TBC1D19: variants seen among roughly 807,000 people sequenced by gnomAD.
The protein encoded by TBC1D19 is TBC1 domain family member 19, also known as TBC1 domain family, member 19.
In TBC1D19, 60 loss-of-function variants were observed where a neutral mutation model predicts 89.0. That is an observed-to-expected ratio of 0.67 (90% CI 0.55 to 0.84). TBC1D19 has a LOEUF of 0.84. TBC1D19 is among the 40% of genes least tolerant of loss of function. The pLI is 0.00. For missense variants in TBC1D19, 500 were observed against 610.8 expected, an observed-to-expected ratio of 0.82 and a Z score of 1.91; for synonymous variants, 189 against 199.7, an observed-to-expected ratio of 0.95 and a Z score of 0.45.
intron 4 of TBC1D19, among the ~76,000 whole-genome samples, chr4:26,625,678 TC>T (rs1742346668): frequency 6.6e-6 from 1 of 152,288 alleles, no homozygotes; most frequent in African/African-American, 2.4e-5. Context: ...TTGATGACTT[TC>T]GCAGTTTTGA....
intron 1 of TBC1D19, among the ~76,000 whole-genome samples, chr4:26,578,575 AAGAG>A (rs143078134): frequency 6.7e-5 from 10 of 148,650 alleles, no homozygotes; most frequent in South Asian, 2.1e-4. Flanking sequence ...GTAGAAATGT[AAGAG>A]AGAGAGAGAG....
At chr4:26,740,746 A>G (rs1578007098) in intron 17 of TBC1D19, 4 of 985,308 alleles carry the variant, frequency 4.1e-6, no homozygotes, top group East Asian at 1.1e-4. Flanking sequence ...GAAACATTCA[A>G]TTGGAATATA....
chr4:26,595,241 A>G (rs1740134801), intron 1 of TBC1D19, among the ~76,000 whole-genome samples: 2 of 152,272 alleles, frequency 1.3e-5, no homozygotes, highest in East Asian at 1.9e-4. Flanking sequence ...TTCTTTAGTC[A>G]GGTGTCTTTT....
At chr4:26,695,962 A>C (rs1714739501) in intron 13 of TBC1D19, among the ~76,000 whole-genome samples, 1 of 152,186 alleles carries the variant, frequency 6.6e-6, no homozygotes, top group South Asian at 2.1e-4. Flanking sequence ...AGCGAACAAA[A>C]TAACCAGCTA....
At chr4:26,802,753 G>T in the TBC1D19 span, among the ~76,000 whole-genome samples, 1 of 152,172 alleles carries the variant, frequency 6.6e-6, no homozygotes, top group Non-Finnish European at 1.5e-5. Context: ...TATTAACACG[G>T]AGAAAAATTA....
chr4:26,598,562 T>G (rs1228999463), intron 1 of TBC1D19, among the ~76,000 whole-genome samples: 5 of 152,058 alleles, frequency 3.3e-5, no homozygotes, highest in Admixed American at 2.6e-4. Context: ...GCCCAGCTAA[T>G]TTTTTGTATT....
intron 15 of TBC1D19, among the ~76,000 whole-genome samples, chr4:26,735,077 T>C (rs1461250119): frequency 6.6e-6 from 1 of 151,280 alleles, no homozygotes; most frequent in African/African-American, 2.4e-5. Context: ...TGTATACACA[T>C]GTATATATGT....
chr4:26,717,564 A>G (rs1716710057), intron 13 of TBC1D19, among the ~76,000 whole-genome samples: 1 of 151,992 alleles, frequency 6.6e-6, no homozygotes, highest in African/African-American at 2.4e-5. Flanking sequence ...AGTCAAGTTC[A>G]TTTCCTGCAC....
intron 19 of TBC1D19, among the ~76,000 whole-genome samples, chr4:26,751,396 A>T (rs551264360): frequency 6.6e-6 from 1 of 152,358 alleles, no homozygotes; most frequent in East Asian, 1.9e-4. Context: ...AGGAAGTAGT[A>T]ATCATACTCT....
At chr4:26,773,740 G>A in the TBC1D19 span, among the ~76,000 whole-genome samples, 2 of 152,098 alleles carry the variant, frequency 1.3e-5, no homozygotes, top group African/African-American at 2.4e-5. Flanking sequence ...CCCATTCCTC[G>A]TTTTTGTCAG....
At chr4:26,839,577 C>CG in the TBC1D19 span, among the ~76,000 whole-genome samples, 2,505 of 151,924 alleles carry the variant, frequency 0.016, 70 homozygotes, top group African/African-American at 0.057. Flanking sequence ...CCATCACCCC[C>CG]CCGCCCTTTC....
At chr4:26,720,195 C>A in intron 15 of TBC1D19, 70 bp downstream of exon 15, 1 of 1,167,784 alleles carries the variant, frequency 8.6e-7, no homozygotes, top group Non-Finnish European at 1.2e-6. Flanking sequence ...CAAAATGTGA[C>A]TTTCTTATTC....
At chr4:26,776,395 A>C in the TBC1D19 span, among the ~76,000 whole-genome samples, 3 of 152,218 alleles carry the variant, frequency 2.0e-5, no homozygotes, top group Non-Finnish European at 4.4e-5. Context: ...TAATAGTCTT[A>C]AGATAACAAA....
chr4:26,793,754 A>C, the TBC1D19 span, among the ~76,000 whole-genome samples: 1 of 150,664 alleles, frequency 6.6e-6, no homozygotes, highest in African/African-American at 2.4e-5. Context: ...AATAGAATCC[A>C]TCTCTTTCTC....
chr4:26,597,932 A>G (rs1006434784), intron 1 of TBC1D19, among the ~76,000 whole-genome samples: 2 of 152,066 alleles, frequency 1.3e-5, no homozygotes, highest in Non-Finnish European at 2.9e-5. Context: ...TTCTTGATTA[A>G]TTATAGTTTT....
chr4:26,854,500 G>A, the TBC1D19 span, among the ~76,000 whole-genome samples: 6,365 of 152,168 alleles, frequency 0.042, 303 homozygotes, highest in African/African-American at 0.11. Flanking sequence ...CTTGGTAATA[G>A]TTTTATGTTG....
the TBC1D19 span, among the ~76,000 whole-genome samples, chr4:26,844,455 C>A: frequency 5.9e-5 from 9 of 152,168 alleles, no homozygotes; most frequent in Non-Finnish European, 8.8e-5. Context: ...TCATAAGTCC[C>A]AAAACTTTGA....
At chr4:26,678,528 C>CT (rs918472765) in intron 11 of TBC1D19, among the ~76,000 whole-genome samples, 114 of 140,368 alleles carry the variant, frequency 8.1e-4, no homozygotes, top group Middle Eastern at 3.8e-3. Context: ...AGCGAAACTG[C>CT]TTTTTTTTTT....
Position 26,640,169 on chromosome 4 carries a change from A to G in TBC1D19, c.462A>G (p.Ala154=), listed in dbSNP as rs745482709. The G allele has an allele frequency of 7.5e-6, 12 of 1,609,500 alleles. No homozygotes were observed. The highest frequency in any genetic ancestry group is 1.0e-5 in the Non-Finnish European group (12 of 1,176,710). Residue 154 remains alanine (A), a synonymous_variant, in exon 7 of 21, where the codon GCA becomes GCG. Coordinates refer to ENST00000264866, the MANE Select transcript of TBC1D19 (RefSeq NM_018317.4). The part of the protein sequence containing the change: ...PDLSLFRPVY[A]PKDFLEVLIN... The stretch of plus-strand genomic sequence containing the variant: ...TAAGCCTTTTCAGACCTGTTTATGC[A>G]CCTAAGGATTTTCTTGAGGTAGGTT...
Sources: allele counts gnomAD v4.1 joint callset (sites outside exome capture counted in the v4.1 genomes callset), GRCh38; gene constraint gnomAD v4.1.1; transcripts MANE v1.5; gene names NCBI Gene and HGNC (gene_info 2026-07-23, HGNC 2026-07-21).